KANSL1: variants seen among roughly 807,000 people sequenced by gnomAD.
KANSL1 encodes the protein MLL1/MLL complex subunit KANSL1.
Under a neutral mutation model 103.6 loss-of-function variants are expected in KANSL1, and 22 were observed. The ratio of observed to expected loss-of-function variants is 0.21; its 90% CI spans 0.15 to 0.30. The LOEUF (loss-of-function observed/expected upper bound fraction) is 0.30, where lower values mean the gene tolerates loss of function less well. Ranked by LOEUF, KANSL1 falls within the 10% of genes least tolerant of loss-of-function variation. KANSL1 has a pLI of 1.00. For missense variants in KANSL1, 1,337 were observed against 1,399.8 expected, an observed-to-expected ratio of 0.96 and a Z score of 0.72; for synonymous variants, 600 against 527.6, an observed-to-expected ratio of 1.14 and a Z score of -1.88.
intron 2 of KANSL1, among the ~76,000 whole-genome samples, chr17:46,147,572 T>TAAA (rs10717937): frequency 1.6e-3 from 165 of 103,010 alleles, no homozygotes; most frequent in East Asian, 3.1e-3. Context: ...TGAGACTCTT[T>TAAA]AAAAAAAAAA....
upstream of KANSL1, chr17:46,196,605 C>A: frequency 3.0e-6 from 1 of 332,224 alleles, no homozygotes; most frequent in Non-Finnish European, 6.0e-6. Context: ...CCAATCCTGA[C>A]AATTTGTATG....
Position 46,039,817 on chromosome 17 carries a change from T to A in KANSL1, c.2088A>T (p.Lys696Asn). ...GCGATAACTTTTTGGGAGGTTTGAT[T>A]TTGTCAAAAGGCTTGTTCTGCCACT... ...KSQWQNKPFD[K>N]IKPPKKLSLK... is the part of the protein sequence containing the mutation. Residue 696 changes from lysine to asparagine, a missense_variant, in exon 8 of 15, where the codon AAA becomes AAT. Physicochemically the swap from Lys to Asn is moderately conservative, Grantham distance 94 (BLOSUM62 0). This residue lies in a region of KANSL1 where 780 missense variants were observed against 923.4 expected (regional missense o/e 0.84). Transcript: ENST00000432791. The A allele has an allele frequency of 6.2e-7, 1 of 1,614,178 alleles. No individual in the cohort carries two copies. Among genetic ancestry groups the A allele is most frequent in the African/African-American group, 1.3e-5 (1 of 75,052 alleles).
chr17:46,079,006 A>C (rs2078889718), intron 4 of KANSL1, among the ~76,000 whole-genome samples: 1 of 152,054 alleles, frequency 6.6e-6, no homozygotes, highest in African/African-American at 2.4e-5. Flanking sequence ...ACTGCCTTTG[A>C]GTCAGAAGTC....
At chr17:46,076,073 C>T (rs537463219) in intron 4 of KANSL1, among the ~76,000 whole-genome samples, 1 of 152,338 alleles carries the variant, frequency 6.6e-6, no homozygotes, top group South Asian at 2.1e-4. Flanking sequence ...CTTTTACTAA[C>T]TTTCATTATC....
intron 7 of KANSL1, chr17:46,043,027 T>C (rs2077380654): frequency 6.6e-6 from 1 of 152,322 alleles, no homozygotes; most frequent in South Asian, 2.1e-4. Flanking sequence ...AACTCAGCTA[T>C]ACCAAATCCT....
At chr17:46,194,097 A>G (rs1209918189), upstream of KANSL1, among the ~76,000 whole-genome samples, 1 of 152,168 alleles carries the variant, frequency 6.6e-6, no homozygotes, top group African/African-American at 2.4e-5. Flanking sequence ...GGCCCCAGCC[A>G]GGGCCCGCGC....
At chr17:46,147,977 T>C (rs1376615778) in intron 2 of KANSL1, 1 of 152,228 alleles carries the variant, frequency 6.6e-6, no homozygotes, top group Non-Finnish European at 1.5e-5. Flanking sequence ...CTTGTGTGGT[T>C]ACTCGTTCTG....
intron 2 of KANSL1, among the ~76,000 whole-genome samples, chr17:46,104,991 A>G (rs551869990): frequency 3.3e-5 from 5 of 152,018 alleles, no homozygotes; most frequent in Non-Finnish European, 7.4e-5. Flanking sequence ...AATTTTTTGT[A>G]TTTTTAGTAG....
Position 46,220,220 on chromosome 17 carries a change from T to A in KANSL1, c.-90+3451A>T, listed in dbSNP as rs572294267. ...AGGATTGAGATGCTGTTCTTTAAAATTTTTTTTTTTTTTTGAGACGGAGTC... is the reference window on the plus strand; with the variant it reads ...AGGATTGAGATGCTGTTCTTTAAAAATTTTTTTTTTTTTTGAGACGGAGTC... On this transcript the variant is annotated intron_variant, in intron 1 of 14. Coordinates refer to the KANSL1 transcript ENST00000572904. Among the ~76,000 whole-genome samples the A allele has an allele frequency of 9.7e-3, 644 of 66,422 alleles. 1 individual carries two copies. The highest frequency in any genetic ancestry group is 0.012 in the Non-Finnish European group (379 of 31,006). 43.6% of individuals were successfully genotyped at this position (66,422 alleles called of 152,430 possible).
At chr17:46,148,788 G>A (rs2044884946) in intron 2 of KANSL1, among the ~76,000 whole-genome samples, 1 of 151,140 alleles carries the variant, frequency 6.6e-6, no homozygotes, top group Admixed American at 6.6e-5. Flanking sequence ...GTTTAACCAT[G>A]TTGGCCAGGC....
chr17:46,159,931 G>A (rs1488289097), intron 2 of KANSL1, among the ~76,000 whole-genome samples: 1 of 152,190 alleles, frequency 6.6e-6, no homozygotes, highest in African/African-American at 2.4e-5. Context: ...GTACTGTGTG[G>A]TCAGAGAGCT....
Position 46,031,319 on chromosome 17 carries a change from AAAC to A in KANSL1, c.*154_*156del. The A allele has an allele frequency of 4.0e-6, 3 of 749,844 alleles. No individual in the cohort carries two copies. 46.4% of individuals were successfully genotyped at this position (749,844 alleles called of 1,614,324 possible). A position where few individuals can be genotyped will look rare whatever the true frequency, so the allele number is the denominator to read the frequency against. ...GGAAACAAAAACAAAACAAAAATTA[AAAC>A]AAGAAAAAAAAATACCAAAGTAGGA... On this transcript the variant is annotated 3_prime_UTR_variant, in exon 15 of 15. Coordinates refer to ENST00000432791, the MANE Select transcript of KANSL1 (RefSeq NM_015443.4).
intron 2 of KANSL1, among the ~76,000 whole-genome samples, chr17:46,121,827 A>T (rs1053965704): frequency 6.6e-6 from 1 of 152,220 alleles, no homozygotes; most frequent in African/African-American, 2.4e-5. Context: ...TGAAAATATC[A>T]TAAGATGAAA....
chr17:46,078,153 AG>A (rs2078856737), intron 4 of KANSL1, among the ~76,000 whole-genome samples: 1 of 152,196 alleles, frequency 6.6e-6, no homozygotes, highest in South Asian at 2.1e-4. Context: ...ATAAAAGCAT[AG>A]TGGAGTCTAT....
At chr17:46,160,396 C>A (rs1187764858) in intron 2 of KANSL1, among the ~76,000 whole-genome samples, 1 of 152,162 alleles carries the variant, frequency 6.6e-6, no homozygotes, top group East Asian at 1.9e-4. Flanking sequence ...CTCCCAGGCT[C>A]AAAGCAATCC....
Position 46,033,456 on chromosome 17 carries a change from G to A in KANSL1, c.2671C>T (p.Arg891Trp). ...QYKEILTPSW[R>W]EVDLQSLKGS... ...TTCAGAGACTGAAGATCAACCTCCCGCCAGCTGCAAAACCAAGAACAGACA... is the reference window on the plus strand; with the variant it reads ...TTCAGAGACTGAAGATCAACCTCCCACCAGCTGCAAAACCAAGAACAGACA... The change falls in exon 12 of 15, where the codon CGG (arginine) becomes TGG (tryptophan). Residue 891 changes from arginine to tryptophan, a missense_variant. Coordinates refer to ENST00000432791, the MANE Select transcript of KANSL1 (RefSeq NM_015443.4). The A allele has an allele frequency of 6.2e-7, 1 of 1,613,920 alleles. No homozygotes were observed. Among genetic ancestry groups the A allele is most frequent in the South Asian group, 1.1e-5 (1 of 91,058 alleles).
chr17:46,109,757 C>T (rs1201211628), intron 2 of KANSL1, among the ~76,000 whole-genome samples: 1 of 152,242 alleles, frequency 6.6e-6, no homozygotes, highest in Admixed American at 6.5e-5. Flanking sequence ...TGCTGCTGCT[C>T]TTACAAGCTT....
At chr17:46,105,233 T>C (rs1320606225) in intron 2 of KANSL1, among the ~76,000 whole-genome samples, 3 of 152,272 alleles carry the variant, frequency 2.0e-5, no homozygotes, top group Non-Finnish European at 4.4e-5. Flanking sequence ...CCAGAGTGAA[T>C]TAATTTTCTG....
intron 4 of KANSL1, among the ~76,000 whole-genome samples, chr17:46,073,736 G>C (rs1002740372): frequency 6.6e-6 from 1 of 152,074 alleles, no homozygotes; most frequent in African/African-American, 2.4e-5. Flanking sequence ...TGAAAGATTT[G>C]GTGGAAGGAA....
Sources: gnomAD v4.1 joint callset for allele counts (sites outside exome capture counted in the v4.1 genomes callset) on GRCh38, gnomAD v4.1.1 for gene constraint, gnomAD v4.1.1 regional missense constraint, MANE v1.5 for transcripts, NCBI Gene and HGNC (gene_info 2026-07-23, HGNC 2026-07-21) for gene names.